PDE1C: variants seen among roughly 807,000 people sequenced by gnomAD.
PDE1C encodes the protein phosphodiesterase 1C, also known as dual specificity calcium/calmodulin-dependent 3',5'-cyclic nucleotide phosphodiesterase 1C.
In PDE1C, 62 loss-of-function variants were observed where a neutral mutation model predicts 93.1. The observed-to-expected ratio is 0.67, with a 90% CI of 0.54 to 0.82. The LOEUF (loss-of-function observed/expected upper bound fraction) is 0.82, where lower values mean the gene tolerates loss of function less well. Among genes scored for constraint, PDE1C ranks in the 40% least tolerant of loss-of-function variants. PDE1C has a pLI of 0.00. For synonymous variants in PDE1C, 325 were observed against 310.1 expected (o/e 1.05, Z -0.50); for missense variants, 742 against 884.6 (o/e 0.84, Z 2.04).
intron 5 of PDE1C, among the ~76,000 whole-genome samples, chr7:31,877,620 A>C (rs1045872071): frequency 6.6e-6 from 1 of 150,666 alleles, no homozygotes; most frequent in Non-Finnish European, 1.5e-5. Flanking sequence ...GACAATTGCA[A>C]ATACTGAAGA....
chr7:31,833,313 T>A (rs1335298985), intron 11 of PDE1C, among the ~76,000 whole-genome samples: 11 of 152,212 alleles, frequency 7.2e-5, no homozygotes, highest in African/African-American at 2.7e-4. Flanking sequence ...GGGTATTCTT[T>A]ATCAGCAGCG....
the PDE1C span, among the ~76,000 whole-genome samples, chr7:31,730,735 G>A: frequency 6.6e-6 from 1 of 152,072 alleles, no homozygotes; most frequent in Non-Finnish European, 1.5e-5. Context: ...ACAAGCCTCT[G>A]TAATAAATGC....
chr7:31,700,556 T>G, the PDE1C span, among the ~76,000 whole-genome samples: 1 of 152,170 alleles, frequency 6.6e-6, no homozygotes, highest in Admixed American at 6.5e-5. Flanking sequence ...CTAAGATAAT[T>G]GGTGAGAGTG....
intron 14 of PDE1C, among the ~76,000 whole-genome samples, chr7:31,816,903 A>C (rs1167975116): frequency 6.6e-6 from 1 of 152,180 alleles, no homozygotes; most frequent in African/African-American, 2.4e-5. Context: ...CCAGTTGATT[A>C]TAAAAGGGCT....
chr7:31,643,111 G>T, the PDE1C span: 1 of 1,613,982 alleles, frequency 6.2e-7, no homozygotes, highest in Non-Finnish European at 8.5e-7. Context: ...GGACAGTTTT[G>T]TGAGGCCTGA....
chr7:31,853,878 A>ATTTTTTTTTT (rs60293827), intron 7 of PDE1C, among the ~76,000 whole-genome samples: 14 of 124,502 alleles, frequency 1.1e-4, no homozygotes, highest in East Asian at 9.5e-4. Context: ...ATGCCCAGCT[A>ATTTTTTTTTT]TTTTTTTTTT....
intron 3 of PDE1C, among the ~76,000 whole-genome samples, chr7:32,085,484 T>A (rs1321528491): frequency 6.7e-6 from 1 of 148,820 alleles, no homozygotes; most frequent in African/African-American, 2.5e-5. Flanking sequence ...AAAGAGGGAA[T>A]CCTCCCTAAC....
At chr7:32,118,063 C>A (rs575311379) in intron 3 of PDE1C, among the ~76,000 whole-genome samples, 2 of 152,226 alleles carry the variant, frequency 1.3e-5, no homozygotes, top group South Asian at 2.1e-4. Context: ...TTGTCTTTTC[C>A]CTAAGGGTTG....
At chr7:32,042,665 T>C (rs74795936) in intron 2 of PDE1C, among the ~76,000 whole-genome samples, 3,471 of 152,304 alleles carry the variant, frequency 0.023, 147 homozygotes, top group African/African-American at 0.079. Flanking sequence ...TTTAGAAGTA[T>C]TGTAAACCAA....
intron 3 of PDE1C, among the ~76,000 whole-genome samples, chr7:32,085,241 T>C (rs1372112008): frequency 1.4e-5 from 2 of 147,860 alleles, no homozygotes; most frequent in African/African-American, 5.0e-5. Context: ...GCAAATAAAC[T>C]AGAAAATCTA....
At chr7:31,651,189 C>A in the PDE1C span, 1 of 1,613,408 alleles carries the variant, frequency 6.2e-7, no homozygotes. Flanking sequence ...GCCAAAGTTT[C>A]CGGGAGTATT....
rs185487422 is a variant in PDE1C, at chr7:32,332,964, A to G, written c.310+94858T>C. 3.3e-5 allele frequency among the ~76,000 whole-genome samples: 5 copies of G among 152,308 alleles called. No individual in the cohort carries two copies. In the East Asian group the frequency reaches 9.6e-4, roughly 29 times the overall value. Reference sequence around the variant, plus strand: ...TTCTTAATCTGGCCAGTGGCTCCACAGGAGAGTCCATTTCATGAAAACCCA... The same window carrying G: ...TTCTTAATCTGGCCAGTGGCTCCACGGGAGAGTCCATTTCATGAAAACCCA... On this transcript the variant is annotated intron_variant, in intron 1 of 1. Transcript: ENST00000672256.
At chr7:31,694,826 T>C in the PDE1C span, among the ~76,000 whole-genome samples, 1 of 152,168 alleles carries the variant, frequency 6.6e-6, no homozygotes, top group East Asian at 1.9e-4. Context: ...AAAGCCAGGC[T>C]TCAAAGCTCT....
At chr7:31,773,694 T>G (rs542214631) in intron 17 of PDE1C, among the ~76,000 whole-genome samples, 1 of 152,238 alleles carries the variant, frequency 6.6e-6, no homozygotes, top group Admixed American at 6.5e-5. Flanking sequence ...GGTTCCCTTC[T>G]GTGTAGTCGT....
At chr7:31,704,304 A>AATGTAAT in the PDE1C span, among the ~76,000 whole-genome samples, 177 of 152,302 alleles carry the variant, frequency 1.2e-3, 1 homozygote, top group Middle Eastern at 3.4e-3. Context: ...CTGAGACCGC[A>AATGTAAT]ATGTAATGTG....
At position 32,011,626 on chromosome 7, in the gene PDE1C, T is replaced by G. The variant is rs141084006; in HGVS notation, c.128+39928A>C. Among the ~76,000 whole-genome samples the G allele has an allele frequency of 2.5e-3, 388 of 152,354 alleles. 1 individual carries two copies. The highest frequency in any genetic ancestry group is 8.6e-3 in the African/African-American group (358 of 41,586). ...CAGAAATACAATTATTAAGTCACAA[T>G]GAGAAACTTTTCTCTATTAGAATGG... On this transcript the variant is annotated intron_variant, in intron 2 of 17. Coordinates refer to ENST00000396191, the MANE Select transcript of PDE1C (RefSeq NM_001191057.4).
chr7:32,410,225 C>G lies in PDE1C; in HGVS notation c.310+17597G>C, dbSNP rs536457704. On this transcript the variant is annotated intron_variant, in intron 1 of 1. Transcript: ENST00000672256. The stretch of plus-strand genomic sequence containing the variant: ...ACACACACCTGTAGTCCTAGCTACT[C>G]AAGAGGCTGAGGTGGGAGCATCGCT... 6.6e-5 allele frequency among the ~76,000 whole-genome samples: 10 copies of G among 152,158 alleles called. No homozygotes were observed. The East Asian group carries it at 1.4e-3, about 21-fold the overall frequency.
the PDE1C span, among the ~76,000 whole-genome samples, chr7:31,645,306 A>G: frequency 6.6e-6 from 1 of 152,212 alleles, no homozygotes; most frequent in Non-Finnish European, 1.5e-5. Flanking sequence ...CATTACATAA[A>G]TGTGATGTAA....
intron 16 of PDE1C, among the ~76,000 whole-genome samples, chr7:31,804,055 C>A (rs1473293133): frequency 1.3e-5 from 2 of 151,782 alleles, no homozygotes; most frequent in Non-Finnish European, 2.9e-5. Flanking sequence ...TGCTGCATTG[C>A]ATGCCTGGTA....
Sources: gnomAD v4.1 joint callset for allele counts (sites outside exome capture counted in the v4.1 genomes callset) on GRCh38, gnomAD v4.1.1 for gene constraint, MANE v1.5 for transcripts, NCBI Gene and HGNC (gene_info 2026-07-23, HGNC 2026-07-21) for gene names.